Variants in CMSS1 observed in about 807,000 individuals in gnomAD.
CMSS1 encodes the protein cms1 ribosomal small subunit homolog.
Under a neutral mutation model 43.5 loss-of-function variants are expected in CMSS1, and 33 were observed. The ratio of observed to expected loss-of-function variants is 0.76; its 90% confidence interval spans 0.57 to 1.01. The LOEUF (loss-of-function observed/expected upper bound fraction) is 1.01. Among genes scored for constraint, CMSS1 ranks in the 50% least tolerant of loss-of-function variants. The probability of loss-of-function intolerance (pLI) is 0.00; values close to 1 mark genes in which losing one functional copy is unlikely to be tolerated. For synonymous variants in CMSS1, 115 were observed against 117.2 expected (o/e 0.98, Z 0.12); for missense variants, 313 against 326.4 (o/e 0.96, Z 0.32).
rs778260129 is a variant in CMSS1 at position 99,849,140 on chromosome 3, A to G, written c.64+31097A>G. The G allele has an allele frequency of 1.1e-4, 183 of 1,614,032 alleles. 5 individuals are homozygous for G. In the South Asian group the frequency reaches 2.0e-3, roughly 18 times the overall value. On this transcript the variant is annotated intron_variant, in intron 1 of 9. Transcript: ENST00000421999. The stretch of plus-strand genomic sequence containing the variant: ...GGAGTAGACTGGCTGCATTTGAAGG[A>G]CAGCACAGATCCCTCATCATTAGGG...
chr3:99,850,276 A>AC, intron 1 of CMSS1: 1 of 1,613,788 alleles, frequency 6.2e-7, no homozygotes, highest in Non-Finnish European at 8.5e-7. Context: ...TTTGATCCTT[A>AC]CTTTTAAACT....
chr3:99,903,238 A>G (rs974179077), intron 1 of CMSS1, among the ~76,000 whole-genome samples: 10 of 151,530 alleles, frequency 6.6e-5, no homozygotes, highest in African/African-American at 2.4e-4. Context: ...ACATGTGTGT[A>G]TATGTATACA....
chr3:99,852,304 G>A (rs557122014), intron 1 of CMSS1, among the ~76,000 whole-genome samples: 1 of 152,182 alleles, frequency 6.6e-6, no homozygotes, highest in Admixed American at 6.5e-5. Context: ...CTTACATTCT[G>A]ATAGGTATAG....
chr3:99,840,064 C>T (rs1373508110), intron 1 of CMSS1, among the ~76,000 whole-genome samples: 2 of 152,046 alleles, frequency 1.3e-5, no homozygotes, highest in Non-Finnish European at 2.9e-5. Context: ...AAGTAGAAGC[C>T]AGGGATGCTC....
chr3:100,003,701 A>T (rs1249614243), intron 1 of CMSS1, among the ~76,000 whole-genome samples: 2 of 152,164 alleles, frequency 1.3e-5, no homozygotes, highest in South Asian at 4.1e-4. Flanking sequence ...TTCATACTTG[A>T]TCTATGATCT....
At chr3:99,839,905 G>A (rs1295544728) in intron 1 of CMSS1, among the ~76,000 whole-genome samples, 3 of 152,266 alleles carry the variant, frequency 2.0e-5, no homozygotes, top group African/African-American at 7.2e-5. Context: ...TTCCCACAGT[G>A]TTATATAAGA....
chr3:100,153,059 T>C (rs1038245004), intron 2 of CMSS1, among the ~76,000 whole-genome samples: 2 of 152,218 alleles, frequency 1.3e-5, no homozygotes, highest in African/African-American at 4.8e-5. Flanking sequence ...AAAGTTAATA[T>C]ACAATAAATG....
At chr3:99,844,085 C>T (rs1252781540) in intron 1 of CMSS1, among the ~76,000 whole-genome samples, 1 of 151,812 alleles carries the variant, frequency 6.6e-6, no homozygotes, top group South Asian at 2.1e-4. Flanking sequence ...TGTTTACCCT[C>T]ATGATTGTGT....
intron 1 of CMSS1, chr3:100,075,447 T>G (rs1474587553): frequency 6.6e-6 from 1 of 152,234 alleles, no homozygotes; most frequent in Non-Finnish European, 1.5e-5. Context: ...AGACCATAAT[T>G]TGTTCTTTAA....
intron 1 of CMSS1, among the ~76,000 whole-genome samples, chr3:100,125,156 A>G (rs2066653351): frequency 6.6e-6 from 1 of 152,078 alleles, no homozygotes; most frequent in Admixed American, 6.5e-5. Context: ...TAGCCACACC[A>G]TTTATTCCCT....
intron 1 of CMSS1, among the ~76,000 whole-genome samples, chr3:100,036,468 G>A (rs926998147): frequency 5.9e-5 from 9 of 152,224 alleles, no homozygotes; most frequent in Admixed American, 2.0e-4. Context: ...TTATAAAATG[G>A]AAGGTGACCC....
chr3:99,939,534 T>C (rs1189739331), intron 1 of CMSS1, among the ~76,000 whole-genome samples: 3 of 152,236 alleles, frequency 2.0e-5, no homozygotes, highest in Admixed American at 1.3e-4. Flanking sequence ...CTTAAAGATA[T>C]GCATGGAATT....
chr3:99,915,942 AC>A (rs767766960), intron 1 of CMSS1, among the ~76,000 whole-genome samples: 4 of 152,230 alleles, frequency 2.6e-5, no homozygotes, highest in Non-Finnish European at 5.9e-5. Context: ...TCAAAAATAT[AC>A]CTATTGGTAT....
At chr3:100,074,242 A>G (rs1380501571) in intron 1 of CMSS1, among the ~76,000 whole-genome samples, 1 of 152,264 alleles carries the variant, frequency 6.6e-6, no homozygotes, top group African/African-American at 2.4e-5. Flanking sequence ...CTCCAGGCAC[A>G]GACTGTGGAG....
chr3:99,907,268 G>C (rs748176008), intron 1 of CMSS1, among the ~76,000 whole-genome samples: 1 of 151,430 alleles, frequency 6.6e-6, no homozygotes, highest in Non-Finnish European at 1.5e-5. Context: ...TTTTTTTTGA[G>C]ACAGAGTCTC....
intron 1 of CMSS1, among the ~76,000 whole-genome samples, chr3:99,844,117 C>T (rs973528311): frequency 6.6e-6 from 1 of 152,138 alleles, no homozygotes. Flanking sequence ...AGCTGTGGCT[C>T]ACTGCCACTA....
At chr3:100,144,619 C>G (rs2066832517) in intron 1 of CMSS1, among the ~76,000 whole-genome samples, 1 of 152,174 alleles carries the variant, frequency 6.6e-6, no homozygotes, top group African/African-American at 2.4e-5. Flanking sequence ...GCTCCCCATT[C>G]TGTCTTTGGT....
chr3:100,138,500 A>G (rs2066774175), intron 1 of CMSS1, among the ~76,000 whole-genome samples: 2 of 152,136 alleles, frequency 1.3e-5, no homozygotes, highest in African/African-American at 2.4e-5. Flanking sequence ...TTACAAGAAA[A>G]AAACAACCCC....
chr3:100,174,725 G>A (rs531940767), intron 8 of CMSS1, among the ~76,000 whole-genome samples: 22 of 152,218 alleles, frequency 1.4e-4, no homozygotes, highest in Admixed American at 2.0e-4. Context: ...ATGTTTATAC[G>A]TTTGATATAT....
Sources: gnomAD v4.1 joint callset for allele counts (sites outside exome capture counted in the v4.1 genomes callset) on GRCh38, gnomAD v4.1.1 for gene constraint, MANE v1.5 for transcripts, NCBI Gene and HGNC (gene_info 2026-07-23, HGNC 2026-07-21) for gene names.